The following PHF24 variants were observed in gnomAD, a reference collection of about 807,000 sequenced individuals.
PHF24 encodes the protein Galpha inhibitory interacting protein.
A neutral mutation model predicts 42.6 loss-of-function variants in PHF24; 25 were observed. The observed-to-expected ratio is 0.59, with a 90% confidence interval of 0.43 to 0.82. PHF24 has a LOEUF of 0.82. Among genes scored for constraint, PHF24 ranks in the 40% least tolerant of loss-of-function variants. PHF24 has a pLI of 0.00. For missense variants in PHF24, 470 were observed against 538.1 expected, an observed-to-expected ratio of 0.87 and a Z score of 1.25; for synonymous variants, 185 against 204.8, an observed-to-expected ratio of 0.90 and a Z score of 0.83.
chr9:34,972,407 G>A, exon 3 of PHF24: 1 of 1,614,068 alleles, frequency 6.2e-7, no homozygotes, highest in Non-Finnish European at 8.5e-7. Flanking sequence ...CTCTTCCCGT[G>A]CAGGGTCTGC....
chr9:34,909,380 G>A, the PHF24 span, among the ~76,000 whole-genome samples: 1 of 152,078 alleles, frequency 6.6e-6, no homozygotes, highest in African/African-American at 2.4e-5. Flanking sequence ...CCAAGCTCTG[G>A]ACAAGCACCA....
At chr9:34,674,836 T>C in the PHF24 span, among the ~76,000 whole-genome samples, 1 of 152,278 alleles carries the variant, frequency 6.6e-6, no homozygotes, top group Admixed American at 6.5e-5. Context: ...TGTCGGCAAT[T>C]ATGTGTTTGT....
At chr9:34,725,624 G>T in the PHF24 span, 1 of 1,532,982 alleles carries the variant, frequency 6.5e-7, no homozygotes, top group Non-Finnish European at 8.8e-7. Flanking sequence ...CTGGAGGGCA[G>T]CTGGCCAGCC....
At chr9:34,695,077 A>G in the PHF24 span, among the ~76,000 whole-genome samples, 1 of 152,214 alleles carries the variant, frequency 6.6e-6, no homozygotes, top group Non-Finnish European at 1.5e-5. Context: ...GGAGCTAGTC[A>G]GCAGAAGAAC....
chr9:34,752,167 A>C, the PHF24 span, among the ~76,000 whole-genome samples: 2 of 151,842 alleles, frequency 1.3e-5, no homozygotes, highest in African/African-American at 4.9e-5. Flanking sequence ...ACAAAACCCA[A>C]AGTTAGTAGA....
At chr9:34,846,806 C>T in the PHF24 span, among the ~76,000 whole-genome samples, 2 of 152,166 alleles carry the variant, frequency 1.3e-5, no homozygotes, top group Admixed American at 1.3e-4. Flanking sequence ...CCAGTTTCAG[C>T]TTTCTACATA....
the PHF24 span, among the ~76,000 whole-genome samples, chr9:34,765,270 C>T: frequency 2.0e-4 from 31 of 151,616 alleles, no homozygotes; most frequent in African/African-American, 4.4e-4. Context: ...ACTTTCTGTC[C>T]CGTTGATCTG....
intron 2 of PHF24, 61 bp downstream of exon 2, chr9:34,971,737 A>G: frequency 6.6e-7 from 1 of 1,518,718 alleles, no homozygotes; most frequent in South Asian, 1.3e-5. Flanking sequence ...AGGACAGGGA[A>G]GATGGATGTG....
the PHF24 span, chr9:34,691,396 C>G: frequency 2.1e-6 from 1 of 480,446 alleles, no homozygotes; most frequent in Non-Finnish European, 3.7e-6. Flanking sequence ...AGAATCGCAC[C>G]CTGCCCCCCT....
At chr9:34,883,435 A>G in the PHF24 span, among the ~76,000 whole-genome samples, 10 of 152,152 alleles carry the variant, frequency 6.6e-5, no homozygotes, top group Non-Finnish European at 1.5e-4. Context: ...GCAACCTACA[A>G]AATGGGAGAA....
the PHF24 span, among the ~76,000 whole-genome samples, chr9:34,713,241 A>G: frequency 6.6e-6 from 1 of 152,188 alleles, no homozygotes; most frequent in Non-Finnish European, 1.5e-5. Context: ...GTCCCTTTAA[A>G]TCTTCTGATA....
At chr9:34,926,698 G>A in the PHF24 span, among the ~76,000 whole-genome samples, 2 of 152,052 alleles carry the variant, frequency 1.3e-5, no homozygotes, top group South Asian at 4.1e-4. This position sits in a 1 kb window ranked among gnomAD's most constrained non-coding sequence, Gnocchi z 4.3. Context: ...GCAGGCACAG[G>A]GTTGTTGCTC....
chr9:34,699,021 T>G, the PHF24 span, among the ~76,000 whole-genome samples: 1 of 152,246 alleles, frequency 6.6e-6, no homozygotes, highest in East Asian at 1.9e-4. Flanking sequence ...GGCCCTGGTC[T>G]AAAACTCAGA....
chr9:34,976,698 G>T, exon 5 of PHF24: 1 of 1,614,116 alleles, frequency 6.2e-7, no homozygotes, highest in Non-Finnish European at 8.5e-7. Flanking sequence ...CTGACTTCTT[G>T]TCCCATGAGT....
the PHF24 span, chr9:34,727,896 C>T: frequency 1.2e-6 from 1 of 845,252 alleles, no homozygotes; most frequent in Non-Finnish European, 1.8e-6. Context: ...ACCCAGTGTC[C>T]CTGCTTCCAC....
At chr9:34,747,155 C>T in the PHF24 span, among the ~76,000 whole-genome samples, 1 of 152,126 alleles carries the variant, frequency 6.6e-6, no homozygotes, top group Non-Finnish European at 1.5e-5. Flanking sequence ...CACCTACAAT[C>T]CCAGTGCTTT....
the PHF24 span, among the ~76,000 whole-genome samples, chr9:34,820,009 G>C: frequency 6.6e-6 from 1 of 151,684 alleles, no homozygotes; most frequent in Admixed American, 6.6e-5. Flanking sequence ...ATATCCTTTT[G>C]ATGAGTTGAA....
chr9:34,949,297 AAT>A, the PHF24 span, among the ~76,000 whole-genome samples: 1 of 152,208 alleles, frequency 6.6e-6, no homozygotes, highest in South Asian at 2.1e-4. Flanking sequence ...ACCACCGTGA[AAT>A]ACCATCTCAC....
At chr9:34,779,456 A>T in the PHF24 span, among the ~76,000 whole-genome samples, 1 of 152,296 alleles carries the variant, frequency 6.6e-6, no homozygotes, top group South Asian at 2.1e-4. Flanking sequence ...CTACATATTC[A>T]ACACAATCCT....
Sources: allele counts gnomAD v4.1 joint callset (sites outside exome capture counted in the v4.1 genomes callset), GRCh38; gene constraint gnomAD v4.1.1; non-coding constraint Gnocchi (gnomAD v3.1); transcripts MANE v1.5; gene names NCBI Gene and HGNC (gene_info 2026-07-23, HGNC 2026-07-21).